The following UBE2E2 variants were observed in gnomAD, a reference collection of about 807,000 sequenced individuals.
The protein encoded by UBE2E2 is ubiquitin-conjugating enzyme E2 E2.
Under a neutral mutation model 24.7 loss-of-function variants are expected in UBE2E2, and 6 were observed. The ratio of observed to expected loss-of-function variants is 0.24; its 90% confidence interval spans 0.13 to 0.48. The LOEUF is 0.48. Ranked by LOEUF, UBE2E2 falls within the 20% of genes least tolerant of loss-of-function variation. UBE2E2 has a pLI of 0.99. For missense variants in UBE2E2, 169 were observed against 245.0 expected (o/e 0.69, Z 2.07); for synonymous variants, 104 against 83.6 (o/e 1.24, Z -1.33).
At chr3:23,210,512 A>G (rs187799117) in intron 2 of UBE2E2, among the ~76,000 whole-genome samples, 34 of 152,350 alleles carry the variant, frequency 2.2e-4, no homozygotes, top group Non-Finnish European at 3.8e-4. Flanking sequence ...ATGTGTGAAC[A>G]TGAGTTTTTC....
intron 3 of UBE2E2, among the ~76,000 whole-genome samples, chr3:23,346,878 C>T (rs1419239110): frequency 6.6e-6 from 1 of 152,158 alleles, no homozygotes; most frequent in African/African-American, 2.4e-5. Context: ...GACTAAGTTA[C>T]ATATGAGCCC....
chr3:23,348,651 A>G (rs1465642632), intron 3 of UBE2E2, among the ~76,000 whole-genome samples: 1 of 152,192 alleles, frequency 6.6e-6, no homozygotes, highest in Non-Finnish European at 1.5e-5. Context: ...ACTGAGGTAC[A>G]TAGATTCAGA....
intron 3 of UBE2E2, among the ~76,000 whole-genome samples, chr3:23,302,253 A>G (rs1699118146): frequency 6.6e-6 from 1 of 152,164 alleles, no homozygotes; most frequent in Non-Finnish European, 1.5e-5. Flanking sequence ...TCCTGCCTGC[A>G]AAGTATGTTT....
intron 5 of UBE2E2, among the ~76,000 whole-genome samples, chr3:23,558,489 C>T (rs116611883): frequency 1.2e-3 from 180 of 152,208 alleles, no homozygotes; most frequent in African/African-American, 4.3e-3. Flanking sequence ...CAGATTATGA[C>T]GTTTGTACCA....
rs188161198 is a variant in UBE2E2 at position 23,474,068 on chromosome 3, A to T, written c.228-25540A>T. 6.1e-4 allele frequency among the ~76,000 whole-genome samples: 92 copies of T among 151,814 alleles called. No individual in the cohort carries two copies. The highest frequency in any genetic ancestry group is 5.8e-3 in the South Asian group (28 of 4,810). ...ACCGCATCTATGCCAACATATATAT[A>T]TTTTTTTATTTTTTTGCGGGAGTAA... On this transcript the variant is annotated intron_variant, in intron 3 of 5. Coordinates refer to ENST00000396703, the MANE Select transcript of UBE2E2 (RefSeq NM_152653.4). This position sits in a 1 kb window ranked among gnomAD's most constrained non-coding sequence, Gnocchi z 4.0.
At chr3:23,219,279 G>C (rs1429408432) in intron 3 of UBE2E2, among the ~76,000 whole-genome samples, 2 of 152,148 alleles carry the variant, frequency 1.3e-5, no homozygotes, top group African/African-American at 4.8e-5. Context: ...TGCTGTAGCT[G>C]ATAGAAAATG....
intron 3 of UBE2E2, among the ~76,000 whole-genome samples, chr3:23,391,080 T>C (rs1696922801): frequency 6.6e-6 from 1 of 152,184 alleles, no homozygotes; most frequent in Non-Finnish European, 1.5e-5. Context: ...TTAAAATAAT[T>C]CTATGTGGTT....
intron 5 of UBE2E2, among the ~76,000 whole-genome samples, chr3:23,576,715 T>C (rs1696355244): frequency 6.6e-6 from 1 of 152,212 alleles, no homozygotes; most frequent in African/African-American, 2.4e-5. Context: ...GATACAGAGA[T>C]GACAGACAGT....
At chr3:23,409,957 A>T (rs1697461518) in intron 3 of UBE2E2, among the ~76,000 whole-genome samples, 1 of 152,094 alleles carries the variant, frequency 6.6e-6, no homozygotes. Context: ...CAGTTACTGG[A>T]TGTAGAGCCC....
chr3:23,556,140 CTTTTTTTT>C (rs71057604), intron 5 of UBE2E2, among the ~76,000 whole-genome samples: 5 of 92,332 alleles, frequency 5.4e-5, no homozygotes, highest in Non-Finnish European at 1.0e-4. Flanking sequence ...AATATACAAA[CTTTTTTTT>C]TTTTTTTTTT....
chr3:23,303,633 A>G (rs1699162258), intron 3 of UBE2E2, among the ~76,000 whole-genome samples: 1 of 152,214 alleles, frequency 6.6e-6, no homozygotes, highest in Non-Finnish European at 1.5e-5. Context: ...TATAAAATAG[A>G]CACGTTATGC....
chr3:23,221,962 A>G (rs974114911), intron 3 of UBE2E2, among the ~76,000 whole-genome samples: 3 of 152,162 alleles, frequency 2.0e-5, no homozygotes, highest in Non-Finnish European at 1.5e-5. Context: ...AGTTCAGTGA[A>G]TATACATTTA....
Position 23,372,302 on chromosome 3 carries a change from A to G in UBE2E2, c.228-127306A>G, listed in dbSNP as rs1696417441. Among the ~76,000 whole-genome samples the G allele has an allele frequency of 4.6e-5, 7 of 152,118 alleles. No homozygotes were observed. The South Asian group carries it at 1.5e-3, about 32-fold the overall frequency. ...TTTGTTTACTAAGTGTACTGGATAT[A>G]CGTCTAGTATCATCTTTAATGTTAC... On this transcript the variant is annotated intron_variant, in intron 3 of 5. Transcript: ENST00000396703.
chr3:23,453,772 A>G (rs1046134659), intron 3 of UBE2E2, among the ~76,000 whole-genome samples: 3 of 152,190 alleles, frequency 2.0e-5, no homozygotes, highest in African/African-American at 4.8e-5. Flanking sequence ...AGAGCAGTGT[A>G]TTACAGCTTT....
At chr3:23,253,352 A>G (rs1380385893) in intron 3 of UBE2E2, among the ~76,000 whole-genome samples, 1 of 152,222 alleles carries the variant, frequency 6.6e-6, no homozygotes, top group Non-Finnish European at 1.5e-5. Flanking sequence ...GATGACTGTG[A>G]TAGGTAAATG....
chr3:23,520,006 A>G (rs1297040903), intron 4 of UBE2E2, among the ~76,000 whole-genome samples: 2 of 152,108 alleles, frequency 1.3e-5, no homozygotes, highest in African/African-American at 4.8e-5. Flanking sequence ...TTTTGTCAGA[A>G]CTTGATCTGA....
rs114054863 is a variant in UBE2E2 at position 23,434,627 on chromosome 3, A to T, written c.228-64981A>T. ...TTATAATTTTCCTCTCTGTAAATGT[A>T]CAAATATGCAAACTTGTATAAATTA... On this transcript the variant is annotated intron_variant, in intron 3 of 5. Coordinates refer to ENST00000396703, the MANE Select transcript of UBE2E2 (RefSeq NM_152653.4). 8.3e-3 allele frequency among the ~76,000 whole-genome samples: 1,258 copies of T among 152,300 alleles called. 16 individuals carry two copies. Among genetic ancestry groups the T allele is most frequent in the African/African-American group, 0.028 (1,175 of 41,574 alleles).
At chr3:23,272,107 A>C (rs905714089) in intron 3 of UBE2E2, among the ~76,000 whole-genome samples, 1 of 152,118 alleles carries the variant, frequency 6.6e-6, no homozygotes, top group Non-Finnish European at 1.5e-5. Context: ...GGCTCGGTCC[A>C]TGCTGGAGCC....
At chr3:23,488,719 C>T (rs1172282677) in intron 3 of UBE2E2, among the ~76,000 whole-genome samples, 1 of 152,146 alleles carries the variant, frequency 6.6e-6, no homozygotes, top group East Asian at 1.9e-4. Flanking sequence ...TTGTCAGAAG[C>T]TTGTTTATAC....
Sources: gnomAD v4.1 joint callset for allele counts (sites outside exome capture counted in the v4.1 genomes callset) on GRCh38, gnomAD v4.1.1 for gene constraint, Gnocchi (gnomAD v3.1) non-coding constraint, MANE v1.5 for transcripts, NCBI Gene and HGNC (gene_info 2026-07-23, HGNC 2026-07-21) for gene names.